MTA3: variants seen among roughly 807,000 people sequenced by gnomAD.
MTA3 encodes metastasis-associated protein MTA3.
A neutral mutation model predicts 83.5 loss-of-function variants in MTA3; 34 were observed. The ratio of observed to expected loss-of-function variants is 0.41; its 90% CI spans 0.31 to 0.54. The LOEUF (loss-of-function observed/expected upper bound fraction) is 0.54, where lower values mean the gene tolerates loss of function less well. Ranked by LOEUF, MTA3 falls within the 20% of genes least tolerant of loss-of-function variation. MTA3 has a pLI of 0.33. For missense variants in MTA3, 761 were observed against 726.4 expected, an observed-to-expected ratio of 1.05 and a Z score of -0.55; for synonymous variants, 303 against 252.7, an observed-to-expected ratio of 1.20 and a Z score of -1.89.
At chr2:42,635,820 G>T (rs1441264747) in intron 4 of MTA3, among the ~76,000 whole-genome samples, 1 of 152,026 alleles carries the variant, frequency 6.6e-6, no homozygotes, top group African/African-American at 2.4e-5. Context: ...AGGCTCGAGT[G>T]CAGTGGCATG....
intron 3 of MTA3, among the ~76,000 whole-genome samples, chr2:42,595,105 C>CGTT (rs1681624717): frequency 5.1e-5 from 2 of 38,906 alleles, no homozygotes; most frequent in Non-Finnish European, 8.9e-5. Context: ...ACAGGAGCTT[C>CGTT]ATTTTTTTTT....
At chr2:42,677,929 A>C (rs1691532699) in intron 8 of MTA3, among the ~76,000 whole-genome samples, 1 of 152,196 alleles carries the variant, frequency 6.6e-6, no homozygotes, top group South Asian at 2.1e-4. Flanking sequence ...TTCAGACCAC[A>C]GTTGGCTACG....
At chr2:42,552,016 G>A (rs1272096342) in intron 2 of MTA3, among the ~76,000 whole-genome samples, 1 of 152,050 alleles carries the variant, frequency 6.6e-6, no homozygotes, top group East Asian at 1.9e-4. Flanking sequence ...GTGAGCCACC[G>A]TGCCTGGCCT....
At chr2:42,529,106 T>C (rs1041164474) in intron 2 of MTA3, among the ~76,000 whole-genome samples, 3 of 152,148 alleles carry the variant, frequency 2.0e-5, no homozygotes, top group African/African-American at 7.2e-5. Flanking sequence ...CTAAACTTAA[T>C]TTACTGGGTT....
chr2:42,625,982 G>T (rs868046203), intron 4 of MTA3, among the ~76,000 whole-genome samples: 35 of 131,064 alleles, frequency 2.7e-4, no homozygotes, highest in African/African-American at 1.0e-3. Flanking sequence ...CTGCTTTGTC[G>T]CCCAGGCTGG....
chr2:42,620,905 T>C (rs1189924648), intron 4 of MTA3, among the ~76,000 whole-genome samples: 1 of 152,206 alleles, frequency 6.6e-6, no homozygotes, highest in East Asian at 1.9e-4. Flanking sequence ...ACTATGTTTA[T>C]TTAGACATGG....
intron 2 of MTA3, among the ~76,000 whole-genome samples, chr2:42,537,050 A>G (rs968182474): frequency 3.3e-5 from 5 of 152,144 alleles, no homozygotes; most frequent in African/African-American, 7.2e-5. Flanking sequence ...GAACATTGTC[A>G]CAGTGATACA....
chr2:42,704,379 G>T lies in MTA3; in HGVS notation c.1150+61G>T, dbSNP rs543973399. The T allele has an allele frequency of 3.5e-4, 562 of 1,601,540 alleles. 1 individual carries two copies. The highest frequency in any genetic ancestry group is 4.6e-4 in the Non-Finnish European group (540 of 1,173,416). ...AACTGTTCTGGCTCATGGGGTGTGAGCGTCTGGGAAGTGCCTGAGGTCAGT... is the reference window on the plus strand; with the variant it reads ...AACTGTTCTGGCTCATGGGGTGTGATCGTCTGGGAAGTGCCTGAGGTCAGT... On this transcript the variant is annotated intron_variant, in intron 12 of 16. Transcript: ENST00000405094.
chr2:42,589,947 G>C (rs964007989), intron 3 of MTA3, among the ~76,000 whole-genome samples: 1 of 152,178 alleles, frequency 6.6e-6, no homozygotes, highest in African/African-American at 2.4e-5. Context: ...TGGTTGAGAG[G>C]AGATGCCTGT....
chr2:42,592,115 T>C lies in MTA3; in HGVS notation c.190+12915T>C, dbSNP rs145112763. ...TCCGTTTCTACAAAAAATATAAAAA[T>C]TAGCCGGGTTTGGTGGTAAACACCT... On this transcript the variant is annotated intron_variant, in intron 3 of 16. Coordinates refer to ENST00000405094, the MANE Select transcript of MTA3 (RefSeq NM_001330442.2). 1.7e-3 allele frequency among the ~76,000 whole-genome samples: 266 copies of C among 152,136 alleles called. 5 individuals carry two copies. In the East Asian group the frequency reaches 0.046, roughly 26 times the overall value.
intron 2 of MTA3, among the ~76,000 whole-genome samples, chr2:42,517,539 C>CTG (rs1395159444): frequency 6.8e-6 from 1 of 147,210 alleles, no homozygotes; most frequent in Non-Finnish European, 1.5e-5. Context: ...TGCCATTGCA[C>CTG]TCCAGCCTTG....
intron 2 of MTA3, among the ~76,000 whole-genome samples, chr2:42,575,172 G>A (rs1678904752): frequency 2.0e-5 from 3 of 152,154 alleles, no homozygotes; most frequent in Admixed American, 2.0e-4. Flanking sequence ...GCTTTTGGCT[G>A]TTTCTCCCTG....
chr2:42,540,850 A>T (rs1044580308), intron 2 of MTA3, among the ~76,000 whole-genome samples: 69 of 147,714 alleles, frequency 4.7e-4, no homozygotes, highest in Admixed American at 1.4e-3. Context: ...AAAAAAAATT[A>T]AAAAAAAAAA....
At chr2:42,661,151 A>G (rs554362539) in intron 8 of MTA3, among the ~76,000 whole-genome samples, 181 of 152,332 alleles carry the variant, frequency 1.2e-3, no homozygotes, top group Middle Eastern at 3.4e-3. Flanking sequence ...GATCTCCAAA[A>G]TGGGTTTGTA....
chr2:42,643,936 T>C (rs17029823), intron 5 of MTA3, among the ~76,000 whole-genome samples, 191 bp from the exon 6 acceptor site: 3,439 of 152,304 alleles, frequency 0.023, 123 homozygotes, highest in African/African-American at 0.077. Flanking sequence ...TTTGGCTTGA[T>C]TTAATTTTGT....
intron 4 of MTA3, among the ~76,000 whole-genome samples, chr2:42,619,122 G>A (rs949917032): frequency 2.0e-5 from 3 of 152,142 alleles, no homozygotes; most frequent in African/African-American, 4.8e-5. Flanking sequence ...AATGAACAAC[G>A]GAACAGCAAG....
chr2:42,512,619 A>G (rs1336561366), intron 2 of MTA3, among the ~76,000 whole-genome samples: 1 of 152,182 alleles, frequency 6.6e-6, no homozygotes, highest in East Asian at 1.9e-4. Flanking sequence ...TGTCAGCGTA[A>G]ATCTCCAAAG....
chr2:42,568,629 C>A (rs946448232), upstream of MTA3: 4 of 579,554 alleles, frequency 6.9e-6, no homozygotes, highest in East Asian at 4.8e-5. Flanking sequence ...TCCCTTCCCC[C>A]CCGTGGCGAG....
chr2:42,563,718 G>A (rs1030462186), upstream of MTA3, among the ~76,000 whole-genome samples: 5 of 151,338 alleles, frequency 3.3e-5, no homozygotes, highest in East Asian at 7.8e-4. Flanking sequence ...TGCCCACCTC[G>A]GCCTCCCAAA....
Sources: allele counts gnomAD v4.1 joint callset (sites outside exome capture counted in the v4.1 genomes callset), GRCh38; gene constraint gnomAD v4.1.1; transcripts MANE v1.5; gene names NCBI Gene and HGNC (gene_info 2026-07-23, HGNC 2026-07-21).